Variants in CSMD1 observed in about 807,000 individuals in gnomAD.
CSMD1 encodes the protein CUB and sushi domain-containing protein 1.
CSMD1 carries 213 observed loss-of-function variants against 417.5 expected under a neutral mutation model. The observed-to-expected ratio is 0.51, with a 90% confidence interval of 0.46 to 0.57. The LOEUF (loss-of-function observed/expected upper bound fraction) is 0.57, where lower values mean the gene tolerates loss of function less well. CSMD1 is among the 20% of genes least tolerant of loss of function. The pLI is 0.00. For missense variants in CSMD1, 6,923 were observed against 4,529.7 expected, an observed-to-expected ratio of 1.53 and a Z score of -15.17; for synonymous variants, 2,862 against 1,736.8, an observed-to-expected ratio of 1.65 and a Z score of -16.11.
intron 50 of CSMD1, among the ~76,000 whole-genome samples, chr8:3,046,637 G>C (rs1055512636): frequency 6.6e-6 from 1 of 152,048 alleles, no homozygotes; most frequent in Non-Finnish European, 1.5e-5. Flanking sequence ...GGCAGGCCTT[G>C]GCAGCGTTAC....
At position 4,976,604 on chromosome 8, in the gene CSMD1, T is replaced by C. The variant is rs866847555; in HGVS notation, c.85+17728A>G. On this transcript the variant is annotated intron_variant, in intron 1 of 69. Coordinates refer to ENST00000635120, the MANE Select transcript of CSMD1 (RefSeq NM_033225.6). ...AATAATGCAACAATTTATAAACAGC[T>C]TAAAGACAAGCACATTGTGTGCTAA... Among the ~76,000 whole-genome samples the C allele has an allele frequency of 2.6e-5, 4 of 152,316 alleles. No homozygotes were observed. In the South Asian group the frequency reaches 8.3e-4, roughly 32 times the overall value.
At chr8:4,413,274 C>T (rs1051217672) in intron 3 of CSMD1, among the ~76,000 whole-genome samples, 2 of 152,138 alleles carry the variant, frequency 1.3e-5, no homozygotes, top group Non-Finnish European at 2.9e-5. Flanking sequence ...TGAGGCTGAT[C>T]CTCAATGACA....
chr8:3,091,633 C>T lies in CSMD1; in HGVS notation c.7168G>A (p.Val2390Ile), dbSNP rs764793854. The T allele has an allele frequency of 6.2e-7, 1 of 1,611,250 alleles. No individual in the cohort carries two copies. Among genetic ancestry groups the T allele is most frequent in the Non-Finnish European group, 8.5e-7 (1 of 1,179,376 alleles). ...GSSGQSPLLVVLSGNHTEQSN... is the reference protein window; with the variant it reads ...GSSGQSPLLVILSGNHTEQSN... Reference sequence around the variant, plus strand: ...TGTTCAGTATGATTCCCACTTAAGACTACTAGCAGAGGACTTTGCCCAGAA... The same window carrying T: ...TGTTCAGTATGATTCCCACTTAAGATTACTAGCAGAGGACTTTGCCCAGAA... Residue 2390 changes from valine (V) to isoleucine (I), a missense_variant, in exon 48 of 70, where the codon GTC (valine) becomes ATC (isoleucine). Physicochemically the swap from Val to Ile is conservative, Grantham distance 29 (BLOSUM62 3). Coordinates refer to ENST00000635120, the MANE Select transcript of CSMD1 (RefSeq NM_033225.6).
intron 35 of CSMD1, 39 bp downstream of exon 35, chr8:3,188,848 G>T: frequency 1.4e-6 from 2 of 1,465,164 alleles, no homozygotes; most frequent in East Asian, 5.2e-5. Flanking sequence ...ATGGACCCCA[G>T]CTGAGCCCTG....
intron 1 of CSMD1, among the ~76,000 whole-genome samples, chr8:4,710,109 T>G (rs1478750419): frequency 6.6e-6 from 1 of 152,078 alleles, no homozygotes; most frequent in Non-Finnish European, 1.5e-5. Context: ...AAAAGCAAGT[T>G]CTGATAACCT....
chr8:3,780,750 C>A (rs970890984), intron 5 of CSMD1, among the ~76,000 whole-genome samples: 3 of 152,142 alleles, frequency 2.0e-5, no homozygotes, highest in Non-Finnish European at 4.4e-5. Context: ...CATTTAATCT[C>A]TTGGGTGACA....
intron 3 of CSMD1, among the ~76,000 whole-genome samples, chr8:4,385,338 G>A (rs1402553737): frequency 6.6e-6 from 1 of 152,104 alleles, no homozygotes; most frequent in Non-Finnish European, 1.5e-5. Flanking sequence ...ACCTAAAACG[G>A]GCCCTTCACT....
chr8:4,850,265 T>C (rs536535665), intron 1 of CSMD1, among the ~76,000 whole-genome samples: 2 of 152,252 alleles, frequency 1.3e-5, no homozygotes, highest in South Asian at 2.1e-4. Context: ...TAGATGCAAA[T>C]CCTTTATCAG....
intron 2 of CSMD1, among the ~76,000 whole-genome samples, chr8:4,425,588 A>G (rs1366570409): frequency 1.3e-5 from 2 of 152,128 alleles, no homozygotes; most frequent in African/African-American, 4.8e-5. Flanking sequence ...TCCTGAAGAC[A>G]TGAAAGTACT....
intron 57 of CSMD1, among the ~76,000 whole-genome samples, chr8:2,967,782 G>A (rs1336378401): frequency 6.6e-6 from 1 of 152,154 alleles, no homozygotes; most frequent in Non-Finnish European, 1.5e-5. Context: ...AAAGAACATG[G>A]AAGAAAACAT....
At chr8:3,544,223 A>C (rs774422710) in intron 10 of CSMD1, among the ~76,000 whole-genome samples, 3 of 152,188 alleles carry the variant, frequency 2.0e-5, no homozygotes, top group Non-Finnish European at 4.4e-5. Flanking sequence ...TTTACTAAAC[A>C]GACCCAAAAT....
intron 5 of CSMD1, among the ~76,000 whole-genome samples, chr8:3,941,002 T>C (rs1341713220): frequency 2.0e-5 from 3 of 152,000 alleles, no homozygotes; most frequent in Non-Finnish European, 4.4e-5. Flanking sequence ...GGAGGCATAA[T>C]AGATGTACAT....
chr8:3,778,195 A>T (rs1036444071), intron 5 of CSMD1, among the ~76,000 whole-genome samples: 2 of 152,176 alleles, frequency 1.3e-5, no homozygotes, highest in Non-Finnish European at 2.9e-5. Flanking sequence ...CAGGGACGGG[A>T]TCCTGGCCGT....
Position 3,574,986 on chromosome 8 carries a change from C to T in CSMD1, c.1303G>A (p.Ala435Thr), listed in dbSNP as rs751054374. ...PNYPVQYEDN[A>T]HCVWVITTTD... ...GTGGTGATGACCCACACACAGTGTG[C>T]ATTATCTTCATACTGAACCGGATAA... Residue 435 changes from alanine (A) to threonine (T), a missense_variant, in exon 10 of 70, where the codon GCA (alanine) becomes ACA (threonine). Transcript: ENST00000635120. 3.7e-6 allele frequency: 6 copies of T among 1,612,820 alleles called. No homozygotes were observed. The highest frequency in any genetic ancestry group is 5.1e-6 in the Non-Finnish European group (6 of 1,179,682).
At chr8:4,891,279 G>A (rs960602637) in intron 1 of CSMD1, among the ~76,000 whole-genome samples, 8 of 152,076 alleles carry the variant, frequency 5.3e-5, no homozygotes, top group African/African-American at 9.7e-5. Context: ...GGTAAAACAA[G>A]AATACTCTTA....
intron 45 of CSMD1, 112 bp downstream of exon 45, chr8:3,107,606 T>TTGTTTC: frequency 1.5e-6 from 1 of 677,374 alleles, no homozygotes; most frequent in Non-Finnish European, 2.6e-6. Context: ...GTTTCTGTTT[T>TTGTTTC]TGTTTCTCTG....
rs192687746 is a variant in CSMD1, at chr8:4,071,281, T to C, written c.416-39182A>G. Among the ~76,000 whole-genome samples the C allele has an allele frequency of 1.1e-4, 17 of 152,312 alleles. No homozygotes were observed. In the East Asian group the frequency reaches 3.1e-3, roughly 28 times the overall value. ...CTGACGCCCTGCTTGTTATATTTTTTCAGTCTTATTTTCTCTATATTCTAC... is the reference window on the plus strand; with the variant it reads ...CTGACGCCCTGCTTGTTATATTTTTCCAGTCTTATTTTCTCTATATTCTAC... On this transcript the variant is annotated intron_variant, in intron 3 of 69. Coordinates refer to ENST00000635120, the MANE Select transcript of CSMD1 (RefSeq NM_033225.6).
intron 3 of CSMD1, among the ~76,000 whole-genome samples, chr8:4,116,683 G>C (rs938730070): frequency 6.6e-6 from 1 of 152,044 alleles, no homozygotes; most frequent in Non-Finnish European, 1.5e-5. Context: ...ACGAGTGCAG[G>C]TGCCTGGATG....
intron 6 of CSMD1, among the ~76,000 whole-genome samples, chr8:3,721,609 C>T (rs951362281): frequency 1.3e-5 from 2 of 152,262 alleles, no homozygotes; most frequent in East Asian, 1.9e-4. Flanking sequence ...CTTTCTCAGT[C>T]CTACCTTAAT....
Sources: allele counts gnomAD v4.1 joint callset (sites outside exome capture counted in the v4.1 genomes callset), GRCh38; gene constraint gnomAD v4.1.1; transcripts MANE v1.5; gene names NCBI Gene and HGNC (gene_info 2026-07-23, HGNC 2026-07-21).